The following ITPRID1 variants were observed in gnomAD, a reference collection of about 807,000 sequenced individuals.
ITPRID1 encodes the protein protein ITPRID1.
A neutral mutation model predicts 95.4 loss-of-function variants in ITPRID1; 96 were observed. That is an observed-to-expected ratio of 1.01 (90% confidence interval 0.85 to 1.19). ITPRID1 has a LOEUF of 1.19. Ranked by LOEUF, ITPRID1 falls within the 50% of genes most tolerant of loss-of-function variation. The pLI, the probability that ITPRID1 is intolerant of heterozygous loss-of-function variation, is 0.00. For synonymous variants in ITPRID1, 510 were observed against 453.6 expected (o/e 1.12, Z -1.58); for missense variants, 1,339 against 1,252.9 (o/e 1.07, Z -1.04).
At chr7:31,597,862 C>G (rs1786154643) in intron 10 of ITPRID1, among the ~76,000 whole-genome samples, 1 of 151,952 alleles carries the variant, frequency 6.6e-6, no homozygotes, top group Non-Finnish European at 1.5e-5. Flanking sequence ...ATTTTCCCTG[C>G]TAGAAATCAA....
chr7:31,637,629 G>T (rs1789619878), intron 10 of ITPRID1, among the ~76,000 whole-genome samples: 1 of 152,096 alleles, frequency 6.6e-6, no homozygotes, highest in Non-Finnish European at 1.5e-5. Context: ...GTAGATTCTG[G>T]ATATTAGCCC....
intron 10 of ITPRID1, among the ~76,000 whole-genome samples, chr7:31,588,786 TCTAA>T (rs1346253095): frequency 8.5e-5 from 13 of 152,118 alleles, no homozygotes; most frequent in African/African-American, 2.7e-4. Context: ...TGTTCAAATC[TCTAA>T]CTAACTGTTG....
rs528878586 is a variant in ITPRID1, at chr7:31,549,629, A to G, written c.-24+130A>G. 2.6e-5 allele frequency: 15 copies of G among 577,998 alleles called. No individual in the cohort carries two copies. The South Asian group carries it at 3.7e-4, about 14-fold the overall frequency. The allele number at this position is 577,998 out of a possible 1,614,324, so 35.8% of individuals were successfully genotyped here. A position where few individuals can be genotyped will look rare whatever the true frequency, so the allele number is the denominator to read the frequency against. ...TGAAAATTTCCCCAAGATGTCAGAA[A>G]GCAGCAGAGCTGATATTAAAATCCA... is the stretch of plus-strand genomic sequence containing the variant. On this transcript the variant is annotated intron_variant, in intron 2 of 14. Transcript: ENST00000615280.
At chr7:31,635,109 A>G (rs886249432) in intron 10 of ITPRID1, among the ~76,000 whole-genome samples, 2 of 152,178 alleles carry the variant, frequency 1.3e-5, no homozygotes, top group Non-Finnish European at 2.9e-5. Context: ...GGGAGTGATA[A>G]ATGATGTACA....
chr7:31,589,849 T>C (rs1358362617), intron 10 of ITPRID1, among the ~76,000 whole-genome samples: 1 of 152,146 alleles, frequency 6.6e-6, no homozygotes, highest in Non-Finnish European at 1.5e-5. Flanking sequence ...TTGTATACCA[T>C]ATGTTGATGT....
At chr7:31,623,112 G>A (rs1293898117) in intron 10 of ITPRID1, among the ~76,000 whole-genome samples, 9 of 152,038 alleles carry the variant, frequency 5.9e-5, no homozygotes, top group South Asian at 2.1e-4. Context: ...GCAATAATCA[G>A]TAGCTTACCA....
intron 10 of ITPRID1, among the ~76,000 whole-genome samples, chr7:31,585,904 A>G (rs1187822334): frequency 6.6e-6 from 1 of 150,812 alleles, no homozygotes; most frequent in African/African-American, 2.4e-5. Flanking sequence ...TTAGTTACAT[A>G]TGTATACATG....
intron 1 of ITPRID1, among the ~76,000 whole-genome samples, chr7:31,548,402 A>T (rs1048075217): frequency 2.6e-5 from 4 of 152,164 alleles, no homozygotes; most frequent in African/African-American, 7.2e-5. Flanking sequence ...AGCAACAAAG[A>T]TCATAGAGGA....
chr7:31,613,725 T>C (rs776452149), intron 10 of ITPRID1, among the ~76,000 whole-genome samples: 2 of 152,206 alleles, frequency 1.3e-5, no homozygotes, highest in Non-Finnish European at 2.9e-5. Context: ...GCTACGTCTA[T>C]ATTTATGTTA....
At chr7:31,579,412 C>G (rs1785314448) in intron 9 of ITPRID1, among the ~76,000 whole-genome samples, 1 of 152,134 alleles carries the variant, frequency 6.6e-6, no homozygotes, top group African/African-American at 2.4e-5. Flanking sequence ...GTTGAGCCCT[C>G]TATGTGGCAG....
chr7:31,574,577 G>C lies in ITPRID1; in HGVS notation c.433G>C (p.Val145Leu), dbSNP rs761621061. The C allele has an allele frequency of 6.8e-6, 11 of 1,613,902 alleles. No homozygotes were observed. The highest frequency in any genetic ancestry group is 1.7e-4 in the Middle Eastern group (1 of 6,058). ...EWLEFWEIDP[V>L]EILLDLGFGA... is the part of the protein sequence containing the mutation. ...GCTGGAATTTTGGGAGATAGATCCA[G>C]TGGAGATTCTCTTGGATCTGGGGTT... The change falls in exon 8 of 15, where the codon GTG becomes CTG. Residue 145 changes from valine to leucine, a missense_variant. Transcript: ENST00000615280.
intron 10 of ITPRID1, among the ~76,000 whole-genome samples, chr7:31,624,775 A>T (rs1413942166): frequency 6.6e-6 from 1 of 152,072 alleles, no homozygotes; most frequent in East Asian, 1.9e-4. Context: ...GACAAATGGG[A>T]TCTAATTAAA....
At chr7:31,544,521 C>T (rs1324595240) in intron 1 of ITPRID1, among the ~76,000 whole-genome samples, 1 of 152,086 alleles carries the variant, frequency 6.6e-6, no homozygotes, top group Admixed American at 6.6e-5. Flanking sequence ...CTTCAAGGAC[C>T]AGAACCAAGG....
intron 3 of ITPRID1, 82 bp downstream of exon 3, chr7:31,553,269 G>A: frequency 1.5e-6 from 2 of 1,323,738 alleles, no homozygotes; most frequent in African/African-American, 1.5e-5. Flanking sequence ...AGGGGCAGGT[G>A]ATTTTGGAAC....
intron 12 of ITPRID1, among the ~76,000 whole-genome samples, chr7:31,647,654 A>G: frequency 6.9e-6 from 1 of 143,940 alleles, no homozygotes; most frequent in East Asian, 2.1e-4. Context: ...AGCCTGAGCA[A>G]CAGAGAGAGT....
At chr7:31,639,742 T>C (rs1789850445) in intron 10 of ITPRID1, among the ~76,000 whole-genome samples, 1 of 152,036 alleles carries the variant, frequency 6.6e-6, no homozygotes, top group Non-Finnish European at 1.5e-5. Context: ...TTCACTGTGT[T>C]AGCCAGGCTC....
chr7:31,541,165 A>G (rs1783922095), intron 1 of ITPRID1, among the ~76,000 whole-genome samples: 1 of 152,208 alleles, frequency 6.6e-6, no homozygotes, highest in Non-Finnish European at 1.5e-5. Flanking sequence ...AATAACTCAA[A>G]AGTTTATTTG....
At chr7:31,530,081 A>G (rs1051575747) in intron 1 of ITPRID1, among the ~76,000 whole-genome samples, 2 of 152,182 alleles carry the variant, frequency 1.3e-5, no homozygotes, top group Non-Finnish European at 2.9e-5. Context: ...GGTGGCTGCC[A>G]TTAACATGGA....
At chr7:31,603,513 C>A (rs1161909461) in intron 10 of ITPRID1, among the ~76,000 whole-genome samples, 1 of 151,776 alleles carries the variant, frequency 6.6e-6, no homozygotes, top group Non-Finnish European at 1.5e-5. Context: ...TGGTATTATT[C>A]ACTCTCGAAT....
Sources: allele counts gnomAD v4.1 joint callset (sites outside exome capture counted in the v4.1 genomes callset), GRCh38; gene constraint gnomAD v4.1.1; transcripts MANE v1.5; gene names NCBI Gene and HGNC (gene_info 2026-07-23, HGNC 2026-07-21).